The following AGBL4 variants were observed in gnomAD, a reference collection of about 807,000 sequenced individuals.
The protein encoded by AGBL4 is cytosolic carboxypeptidase 6.
In AGBL4, 58 loss-of-function variants were observed where a neutral mutation model predicts 66.4. The observed-to-expected ratio is 0.87, with a 90% CI of 0.71 to 1.09. AGBL4 has a LOEUF of 1.09. AGBL4 is among the 50% of genes least tolerant of loss of function. The probability of loss-of-function intolerance (pLI) is 0.00; values close to 1 mark genes in which losing one functional copy is unlikely to be tolerated. For synonymous variants in AGBL4, 234 were observed against 222.9 expected, an observed-to-expected ratio of 1.05 and a Z score of -0.44; for missense variants, 579 against 631.0, an observed-to-expected ratio of 0.92 and a Z score of 0.88.
At chr1:49,031,121 T>G (rs1310661212) in intron 5 of AGBL4, among the ~76,000 whole-genome samples, 1 of 152,126 alleles carries the variant, frequency 6.6e-6, no homozygotes, top group Non-Finnish European at 1.5e-5. Context: ...ACAGTTTCAC[T>G]TTGTCACCCA....
intron 2 of AGBL4, among the ~76,000 whole-genome samples, chr1:49,775,238 T>A (rs1644167532): frequency 6.6e-6 from 1 of 152,180 alleles, no homozygotes; most frequent in Admixed American, 6.5e-5. Context: ...CACTTAACTA[T>A]CCCAGTGCTC....
chr1:49,544,437 A>G (rs1482193750), intron 3 of AGBL4, among the ~76,000 whole-genome samples: 3 of 152,220 alleles, frequency 2.0e-5, no homozygotes, highest in African/African-American at 4.8e-5. Flanking sequence ...TTCTTCTGTT[A>G]TTGAGAATTG....
intron 11 of AGBL4, among the ~76,000 whole-genome samples, chr1:48,579,471 C>T (rs2148329355): frequency 6.6e-6 from 1 of 151,256 alleles, no homozygotes; most frequent in South Asian, 2.1e-4. Context: ...GAACTCCTGA[C>T]CTCAAGTGAT....
chr1:49,598,955 T>G (rs919394322), intron 3 of AGBL4, among the ~76,000 whole-genome samples: 7 of 152,202 alleles, frequency 4.6e-5, no homozygotes, highest in African/African-American at 1.7e-4. Flanking sequence ...TGAAGCCAAC[T>G]TGATCGAGGT....
At chr1:49,909,854 G>A (rs1650641455) in intron 1 of AGBL4, among the ~76,000 whole-genome samples, 1 of 152,126 alleles carries the variant, frequency 6.6e-6, no homozygotes, top group African/African-American at 2.4e-5. Flanking sequence ...CAAGGTTTCT[G>A]GCTTGAAGAG....
chr1:48,602,502 G>T (rs1645088234), intron 9 of AGBL4, among the ~76,000 whole-genome samples: 1 of 152,122 alleles, frequency 6.6e-6, no homozygotes, highest in Admixed American at 6.6e-5. Context: ...CAAGTGCAAG[G>T]TCATTTTCCT....
chr1:49,071,381 A>G, intron 4 of AGBL4, among the ~76,000 whole-genome samples: 1 of 151,880 alleles, frequency 6.6e-6, no homozygotes, highest in East Asian at 1.9e-4. Context: ...GTGGGCATTT[A>G]GTGCTATAAA....
intron 5 of AGBL4, among the ~76,000 whole-genome samples, chr1:48,891,882 G>A (rs1651008835): frequency 6.6e-6 from 1 of 152,074 alleles, no homozygotes; most frequent in Non-Finnish European, 1.5e-5. Flanking sequence ...GCTGTCTCCA[G>A]AAATGACCCT....
chr1:49,713,170 T>C (rs1416306611), intron 2 of AGBL4, among the ~76,000 whole-genome samples: 1 of 152,074 alleles, frequency 6.6e-6, no homozygotes, highest in Non-Finnish European at 1.5e-5. Flanking sequence ...TTCATTGCTA[T>C]TTGTCACCTA....
At chr1:48,680,450 GA>G (rs202078736) in intron 6 of AGBL4, among the ~76,000 whole-genome samples, 1 of 151,824 alleles carries the variant, frequency 6.6e-6, no homozygotes, top group African/African-American at 2.4e-5. Flanking sequence ...CAGGCGATCA[GA>G]AAAAAAATGA....
At chr1:49,518,291 C>G (rs1333453555) in intron 3 of AGBL4, among the ~76,000 whole-genome samples, 2 of 152,050 alleles carry the variant, frequency 1.3e-5, no homozygotes, top group Non-Finnish European at 2.9e-5. Flanking sequence ...CAAAAAGCTT[C>G]CCTCAGCCCA....
intron 1 of AGBL4, among the ~76,000 whole-genome samples, chr1:49,916,346 G>A (rs905597808): frequency 2.6e-5 from 4 of 152,274 alleles, no homozygotes; most frequent in African/African-American, 9.6e-5. Context: ...AAAAAGATTA[G>A]ATGAATGACT....
At chr1:49,728,871 C>A (rs1649224051) in intron 2 of AGBL4, among the ~76,000 whole-genome samples, 1 of 152,132 alleles carries the variant, frequency 6.6e-6, no homozygotes, top group Non-Finnish European at 1.5e-5. Context: ...CAAATGAAAC[C>A]GTTCTAAAAC....
chr1:49,145,925 TA>T (rs1646208713), intron 4 of AGBL4, among the ~76,000 whole-genome samples: 1 of 152,092 alleles, frequency 6.6e-6, no homozygotes, highest in South Asian at 2.1e-4. Context: ...TGTTCAGCAA[TA>T]AAAAAGAATG....
At chr1:48,656,536 T>C (rs964097550) in intron 7 of AGBL4, among the ~76,000 whole-genome samples, 5 of 152,196 alleles carry the variant, frequency 3.3e-5, no homozygotes, top group African/African-American at 1.2e-4. Context: ...GAACAGCACA[T>C]AGCTGTGGGG....
chr1:49,846,169 G>A (rs1413097936), intron 2 of AGBL4: 1 of 1,451,378 alleles, frequency 6.9e-7, no homozygotes, highest in African/African-American at 1.4e-5. Context: ...GGTTCAATAA[G>A]TGTGGGAAAT....
intron 3 of AGBL4, among the ~76,000 whole-genome samples, chr1:49,654,939 T>C (rs533604332): frequency 4.6e-5 from 7 of 152,204 alleles, no homozygotes; most frequent in Non-Finnish European, 1.0e-4. Flanking sequence ...GTTCATATTG[T>C]TATGTGTGAA....
intron 4 of AGBL4, among the ~76,000 whole-genome samples, chr1:49,096,608 A>T (rs1241352949): frequency 1.4e-5 from 2 of 147,908 alleles, no homozygotes; most frequent in Non-Finnish European, 3.0e-5. Context: ...CAAATACTGC[A>T]TACTCTCACT....
intron 4 of AGBL4, among the ~76,000 whole-genome samples, chr1:49,125,980 C>T (rs1645756818): frequency 6.6e-6 from 1 of 152,082 alleles, no homozygotes; most frequent in Non-Finnish European, 1.5e-5. Context: ...TTTGTCTGCT[C>T]CCAAGTATTC....
Sources: allele counts gnomAD v4.1 joint callset (sites outside exome capture counted in the v4.1 genomes callset), GRCh38; gene constraint gnomAD v4.1.1; transcripts MANE v1.5; gene names NCBI Gene and HGNC (gene_info 2026-07-23, HGNC 2026-07-21).